Variants in CHD1L observed in about 807,000 individuals in gnomAD.
CHD1L encodes the protein chromodomain helicase DNA binding protein 1 like.
In CHD1L, 118 loss-of-function variants were observed where a neutral mutation model predicts 115.9. That is an observed-to-expected ratio of 1.02 (90% CI 0.88 to 1.19). CHD1L has a LOEUF of 1.19. Ranked by LOEUF, CHD1L falls within the 50% of genes most tolerant of loss-of-function variation. The pLI is 0.00. For synonymous variants in CHD1L, 411 were observed against 387.1 expected, an observed-to-expected ratio of 1.06 and a Z score of -0.72; for missense variants, 1,179 against 1,065.3, an observed-to-expected ratio of 1.11 and a Z score of -1.49.
Position 147,276,271 on chromosome 1 carries a change from T to C in CHD1L, c.1539+14T>C, listed in dbSNP as rs377748161. ...GCTGACCTCCAGGTATGATATGATA[T>C]ACTGTTCTTCACTTTGGAATATACC... On this transcript the variant is annotated intron_variant, in intron 14 of 22. Transcript: ENST00000369258. 88 of 1,613,918 alleles carry C rather than the reference T, an allele frequency of 5.5e-5. 1 individual carries two copies. Among genetic ancestry groups the C allele is most frequent in the African/African-American group, 3.7e-4 (28 of 75,038 alleles).
rs1338217688 is a variant in CHD1L at position 147,255,728 on chromosome 1, C to T, written c.348-85C>T. The T allele has an allele frequency of 1.3e-5, 12 of 900,262 alleles. No individual in the cohort carries two copies. The East Asian group carries it at 3.0e-4, about 23-fold the overall frequency. The allele number at this position is 900,262 out of a possible 1,614,324, so 55.8% of individuals were successfully genotyped here. A position where few individuals can be genotyped will look rare whatever the true frequency, so the allele number is the denominator to read the frequency against. Reference sequence around the variant, plus strand: ...CATGAGTTCTGTACATTGCAATCCTCCCATGAAATGTAATTTTCCAGATAT... The same window carrying T: ...CATGAGTTCTGTACATTGCAATCCTTCCATGAAATGTAATTTTCCAGATAT... On this transcript the variant is annotated intron_variant, in intron 3 of 22. Transcript: ENST00000369258.
At chr1:147,235,065 A>G in the CHD1L span, among the ~76,000 whole-genome samples, 2 of 150,428 alleles carry the variant, frequency 1.3e-5, no homozygotes, top group East Asian at 2.0e-4. Context: ...GTTAGAGCCC[A>G]CCATGGAGTA....
At chr1:147,273,303 G>A (rs1320082792) in intron 12 of CHD1L, among the ~76,000 whole-genome samples, 1 of 152,158 alleles carries the variant, frequency 6.6e-6, no homozygotes, top group Non-Finnish European at 1.5e-5. Flanking sequence ...TGAAAGAGAT[G>A]TGTGTCCTCT....
In CHD1L at chr1:147,291,482, A is replaced by G; in HGVS notation, c.2321A>G (p.Asp774Gly). ...GTTGCTCCTTTCTGTTTTACCTCAGACCTGAGTTTGGGAGGTGTCCTTTTA... is the reference window on the plus strand; with the variant it reads ...GTTGCTCCTTTCTGTTTTACCTCAGGCCTGAGTTTGGGAGGTGTCCTTTTA... ...KIYELAGKMK[D>G]LSLGGVLLFP... The change falls in exon 20 of 23, where the codon GAC becomes GGC. Residue 774 changes from aspartate (D) to glycine (G), a missense_variant and splice_region_variant. Physicochemically the swap from Asp to Gly is moderately conservative, Grantham distance 94. Coordinates refer to ENST00000369258, the MANE Select transcript of CHD1L (RefSeq NM_004284.6). The G allele has an allele frequency of 6.2e-7, 1 of 1,613,432 alleles. No homozygotes were observed. Among genetic ancestry groups the G allele is most frequent in the Non-Finnish European group, 8.5e-7 (1 of 1,179,444 alleles).
Position 147,288,322 on chromosome 1 carries a change from C to CATTAAAAAAAAAAAAA in CHD1L, c.2320+590_2320+591insTTAAAAAAAAAAAAAA, listed in dbSNP as rs1452486110. Reference sequence around the variant, plus strand: ...CCTGAGTGAGAGTGAGACCCTGTTTCAATAAAAAAAAAAAAAAAAAAAAAG... The same window carrying CATTAAAAAAAAAAAAA: ...CCTGAGTGAGAGTGAGACCCTGTTTCATTAAAAAAAAAAAAAAATAAAAAAAAAAAAAAAAAAAAAG... On this transcript the variant is annotated intron_variant, in intron 19 of 22. Transcript: ENST00000369258. 5.3e-4 allele frequency among the ~76,000 whole-genome samples: 47 copies of CATTAAAAAAAAAAAAA among 87,894 alleles called. 3 individuals carry two copies. The highest frequency in any genetic ancestry group is 7.1e-3 in the Middle Eastern group (1 of 140). 57.7% of individuals were successfully genotyped at this position (87,894 alleles called of 152,430 possible). A position where few individuals can be genotyped will look rare whatever the true frequency, so the allele number is the denominator to read the frequency against.
At chr1:147,193,826 T>A in the CHD1L span, among the ~76,000 whole-genome samples, 1 of 152,038 alleles carries the variant, frequency 6.6e-6, no homozygotes, top group Non-Finnish European at 1.5e-5. Context: ...TTTGAGTGAG[T>A]TTTTTAGTCC....
the CHD1L span, among the ~76,000 whole-genome samples, chr1:147,228,508 C>A: frequency 6.6e-6 from 1 of 152,154 alleles, no homozygotes; most frequent in Non-Finnish European, 1.5e-5. Flanking sequence ...GATTTATAAT[C>A]CTTTGGGTAT....
the CHD1L span, among the ~76,000 whole-genome samples, chr1:147,205,989 A>G: frequency 6.6e-6 from 1 of 151,950 alleles, no homozygotes; most frequent in Non-Finnish European, 1.5e-5. Context: ...AACCTATAAA[A>G]TGGGAGAAAA....
the CHD1L span, chr1:147,224,945 GT>G: frequency 1.2e-6 from 2 of 1,613,864 alleles, no homozygotes; most frequent in African/African-American, 1.3e-5. Context: ...AAGCAGACAG[GT>G]TCCAAGCCTT....
upstream of CHD1L, among the ~76,000 whole-genome samples, chr1:147,238,789 A>T (rs1559698622): frequency 6.6e-6 from 1 of 152,226 alleles, no homozygotes; most frequent in Non-Finnish European, 1.5e-5. Context: ...TATTGAGGGC[A>T]TACTATTGTA....
chr1:147,206,340 A>C, the CHD1L span, among the ~76,000 whole-genome samples: 1 of 152,208 alleles, frequency 6.6e-6, no homozygotes, highest in African/African-American at 2.4e-5. Flanking sequence ...TAGTTCAACC[A>C]TTGTGGAAGA....
chr1:147,181,019 G>A, the CHD1L span, among the ~76,000 whole-genome samples: 7 of 152,294 alleles, frequency 4.6e-5, no homozygotes, highest in East Asian at 5.8e-4. Context: ...CCCAGTAAAC[G>A]GCATTGTGCA....
chr1:147,251,509 A>G (rs1172232131), intron 1 of CHD1L, among the ~76,000 whole-genome samples: 3 of 152,124 alleles, frequency 2.0e-5, no homozygotes, highest in African/African-American at 7.2e-5. Context: ...ATTAAATGAG[A>G]TACTGTAATT....
At chr1:147,293,558 AGT>A (rs1686395988) in intron 20 of CHD1L, 48 bp from the exon 21 acceptor site, 2 of 1,507,770 alleles carry the variant, frequency 1.3e-6, no homozygotes, top group Admixed American at 3.3e-5. Flanking sequence ...CACTTGGTTG[AGT>A]GTGGCTGTTT....
At chr1:147,207,307 T>C in the CHD1L span, among the ~76,000 whole-genome samples, 1 of 152,320 alleles carries the variant, frequency 6.6e-6, no homozygotes, top group East Asian at 1.9e-4. Flanking sequence ...TATAGCAAAC[T>C]TAACAGGTGA....
intron 14 of CHD1L, among the ~76,000 whole-genome samples, chr1:147,279,735 T>C (rs1553960393): frequency 6.6e-6 from 1 of 152,134 alleles, no homozygotes; most frequent in African/African-American, 2.4e-5. Flanking sequence ...TGCAGGAAGT[T>C]ACTATTATTC....
At chr1:147,238,503 C>A (rs587724035), upstream of CHD1L, among the ~76,000 whole-genome samples, 3 of 152,270 alleles carry the variant, frequency 2.0e-5, no homozygotes, top group African/African-American at 7.2e-5. Context: ...GTTGCTGTTG[C>A]CAAAGGACAT....
chr1:147,283,436 A>G (rs968372313), intron 15 of CHD1L, among the ~76,000 whole-genome samples: 8 of 152,184 alleles, frequency 5.3e-5, no homozygotes, highest in Non-Finnish European at 8.8e-5. Context: ...TATCTTACCT[A>G]TCTGTGGTTG....
At chr1:147,179,806 AT>A in the CHD1L span, among the ~76,000 whole-genome samples, 1 of 152,092 alleles carries the variant, frequency 6.6e-6, no homozygotes, top group African/African-American at 2.4e-5. Context: ...TGTTATGGAA[AT>A]ACCAGGACCA....
Sources: allele counts gnomAD v4.1 joint callset (sites outside exome capture counted in the v4.1 genomes callset), GRCh38; gene constraint gnomAD v4.1.1; transcripts MANE v1.5; gene names NCBI Gene and HGNC (gene_info 2026-07-23, HGNC 2026-07-21).